Variants in CAMTA1 observed in about 807,000 individuals in gnomAD.
The protein encoded by CAMTA1 is calmodulin binding transcription activator 1, also known as calmodulin-binding transcription activator 1.
CAMTA1 carries 27 observed loss-of-function variants against 170.9 expected under a neutral mutation model. The ratio of observed to expected loss-of-function variants is 0.16; its 90% confidence interval spans 0.12 to 0.22. CAMTA1 has a LOEUF of 0.22. Ranked by LOEUF, CAMTA1 falls within the 10% of genes least tolerant of loss-of-function variation. CAMTA1 has a pLI of 1.00. For synonymous variants in CAMTA1, 833 were observed against 891.5 expected (o/e 0.93, Z 1.17); for missense variants, 1,619 against 2,217.2 (o/e 0.73, Z 5.42).
rs141259970 is a variant in CAMTA1, at chr1:7,261,192, C to T, written c.438+11566C>T. Reference sequence around the variant, plus strand: ...ACATAAATTCCACAGCAAGTGGCTGCGGGTTCCTTCCTTCCCTCTGGTTCC... The same window carrying T: ...ACATAAATTCCACAGCAAGTGGCTGTGGGTTCCTTCCTTCCCTCTGGTTCC... On this transcript the variant is annotated intron_variant, in intron 5 of 22. Coordinates refer to ENST00000303635, the MANE Select transcript of CAMTA1 (RefSeq NM_015215.4). Among the ~76,000 whole-genome samples the T allele has an allele frequency of 1.5e-4, 23 of 152,272 alleles. No individual in the cohort carries two copies. The East Asian group carries it at 2.1e-3, about 14-fold the overall frequency.
chr1:7,070,910 G>A (rs1181570524), intron 3 of CAMTA1, among the ~76,000 whole-genome samples: 3 of 152,254 alleles, frequency 2.0e-5, no homozygotes, highest in African/African-American at 4.8e-5. Flanking sequence ...TCTGAACACT[G>A]AGGGGAAGTG....
At chr1:7,129,237 C>T (rs1282017574) in intron 4 of CAMTA1, among the ~76,000 whole-genome samples, 1 of 152,178 alleles carries the variant, frequency 6.6e-6, no homozygotes, top group Non-Finnish European at 1.5e-5. Context: ...CATCTGGCTT[C>T]TATTAGGTTG....
intron 6 of CAMTA1, among the ~76,000 whole-genome samples, chr1:7,545,666 AT>A (rs536441626): frequency 8.0e-4 from 120 of 149,690 alleles, no homozygotes; most frequent in Non-Finnish European, 1.2e-3. Flanking sequence ...AGGATTTCCA[AT>A]TTTTTTTTTC....
At chr1:7,620,450 G>C (rs1284873997) in intron 6 of CAMTA1, among the ~76,000 whole-genome samples, 1 of 152,216 alleles carries the variant, frequency 6.6e-6, no homozygotes, top group Non-Finnish European at 1.5e-5. Flanking sequence ...GCTTACCAAT[G>C]AGATGTGACT....
chr1:7,413,451 C>A (rs960125460), intron 5 of CAMTA1, among the ~76,000 whole-genome samples: 3 of 152,118 alleles, frequency 2.0e-5, no homozygotes, highest in Admixed American at 1.3e-4. Context: ...GTTTGTAGTT[C>A]TCCTTGAAGA....
At chr1:7,351,667 G>C (rs369401365) in intron 5 of CAMTA1, among the ~76,000 whole-genome samples, 1 of 152,148 alleles carries the variant, frequency 6.6e-6, no homozygotes, top group Non-Finnish European at 1.5e-5. Flanking sequence ...TTCTGTCGAG[G>C]GCATCGTCCC....
intron 5 of CAMTA1, among the ~76,000 whole-genome samples, chr1:7,458,283 G>A (rs1210568367): frequency 1.3e-5 from 2 of 152,198 alleles, no homozygotes; most frequent in African/African-American, 4.8e-5. Flanking sequence ...GGGGACTGGA[G>A]TTCAGATTCT....
At chr1:7,158,540 A>G (rs1224803785) in intron 4 of CAMTA1, among the ~76,000 whole-genome samples, 1 of 152,204 alleles carries the variant, frequency 6.6e-6, no homozygotes, top group Non-Finnish European at 1.5e-5. Context: ...ACAAATATTG[A>G]ACTCTAGCTA....
intron 7 of CAMTA1, among the ~76,000 whole-genome samples, chr1:7,655,814 C>T (rs2095898377): frequency 1.3e-5 from 2 of 152,304 alleles, no homozygotes; most frequent in South Asian, 4.1e-4. Flanking sequence ...GTGCATAGAG[C>T]AGGGTTGGTG....
At chr1:7,746,583 A>G (rs1311591658) in intron 18 of CAMTA1, among the ~76,000 whole-genome samples, 2 of 152,226 alleles carry the variant, frequency 1.3e-5, no homozygotes, top group Admixed American at 1.3e-4. Flanking sequence ...GGGCCCATCC[A>G]TGGTTAGGCC....
intron 3 of CAMTA1, among the ~76,000 whole-genome samples, chr1:7,051,715 C>T (rs1000176588): frequency 1.9e-4 from 29 of 152,118 alleles, no homozygotes; most frequent in African/African-American, 6.5e-4. Flanking sequence ...CCCTGTTTGC[C>T]AGGACAGACT....
intron 6 of CAMTA1, among the ~76,000 whole-genome samples, chr1:7,601,879 G>A (rs1312792916): frequency 4.0e-5 from 6 of 151,718 alleles, no homozygotes; most frequent in East Asian, 1.9e-4. Flanking sequence ...GCAGTGAGCT[G>A]AGATGGCAGC....
intron 6 of CAMTA1, among the ~76,000 whole-genome samples, chr1:7,498,898 G>A (rs1011800530): frequency 4.1e-5 from 6 of 145,004 alleles, no homozygotes; most frequent in Non-Finnish European, 9.0e-5. Flanking sequence ...GATGGTGTGA[G>A]CCTGGTGTGA....
intron 6 of CAMTA1, among the ~76,000 whole-genome samples, chr1:7,471,267 T>C (rs2093325324): frequency 1.3e-5 from 2 of 152,218 alleles, no homozygotes; most frequent in Non-Finnish European, 2.9e-5. Flanking sequence ...AATATTCTAT[T>C]AGGCTATGAG....
chr1:7,310,713 T>A, intron 5 of CAMTA1, among the ~76,000 whole-genome samples: 1 of 72,180 alleles, frequency 1.4e-5, no homozygotes, highest in African/African-American at 1.2e-4. Flanking sequence ...TTTCTTTCTT[T>A]CTTTCTTTCT....
intron 6 of CAMTA1, among the ~76,000 whole-genome samples, chr1:7,630,159 A>G (rs2095659475): frequency 6.6e-6 from 1 of 152,084 alleles, no homozygotes; most frequent in Admixed American, 6.5e-5. Context: ...CGCAATGAAA[A>G]GTCCTCCCCT....
At chr1:7,353,084 G>T (rs547635055) in intron 5 of CAMTA1, among the ~76,000 whole-genome samples, 19 of 152,344 alleles carry the variant, frequency 1.2e-4, no homozygotes, top group African/African-American at 4.6e-4. Context: ...GGGAACCTCG[G>T]GGGTCAGCCT....
At chr1:7,276,133 A>G (rs1670551258) in intron 5 of CAMTA1, among the ~76,000 whole-genome samples, 1 of 150,276 alleles carries the variant, frequency 6.7e-6, no homozygotes, top group Non-Finnish European at 1.5e-5. Context: ...AAGAATATTG[A>G]CCATATAATC....
chr1:6,880,524 G>A (rs1200354568), intron 3 of CAMTA1, among the ~76,000 whole-genome samples: 3 of 151,356 alleles, frequency 2.0e-5, no homozygotes, highest in Non-Finnish European at 4.4e-5. Context: ...TGAGTAACTG[G>A]GACCACAGGG....
Sources: allele counts gnomAD v4.1 joint callset (sites outside exome capture counted in the v4.1 genomes callset), GRCh38; gene constraint gnomAD v4.1.1; transcripts MANE v1.5; gene names NCBI Gene and HGNC (gene_info 2026-07-23, HGNC 2026-07-21).